PTGER3: variants seen among roughly 807,000 people sequenced by gnomAD.
The protein encoded by PTGER3 is prostaglandin E2 receptor EP3 subtype.
A neutral mutation model predicts 34.7 loss-of-function variants in PTGER3; 22 were observed. The ratio of observed to expected loss-of-function variants is 0.63; its 90% CI spans 0.45 to 0.91. The LOEUF is 0.91. Ranked by LOEUF, PTGER3 falls within the 40% of genes least tolerant of loss-of-function variation. The probability of loss-of-function intolerance (pLI) is 0.00; values close to 1 mark genes in which losing one functional copy is unlikely to be tolerated. For synonymous variants in PTGER3, 241 were observed against 230.1 expected (o/e 1.05, Z -0.43); for missense variants, 468 against 519.4 (o/e 0.90, Z 0.96).
intron 4 of PTGER3, among the ~76,000 whole-genome samples, chr1:70,857,051 T>C (rs1466448300): frequency 6.6e-6 from 1 of 152,206 alleles, no homozygotes; most frequent in African/African-American, 2.4e-5. Flanking sequence ...GCTACATACA[T>C]TTAGATTCAT....
chr1:70,933,921 A>G (rs1648963338), intron 4 of PTGER3, among the ~76,000 whole-genome samples: 1 of 152,084 alleles, frequency 6.6e-6, no homozygotes, highest in Non-Finnish European at 1.5e-5. Flanking sequence ...GGTGAGGCAG[A>G]CTCTTTCATG....
intron 2 of PTGER3, among the ~76,000 whole-genome samples, chr1:71,003,955 A>T (rs1656714558): frequency 6.6e-6 from 1 of 152,224 alleles, no homozygotes; most frequent in African/African-American, 2.4e-5. Context: ...CTTTTGTGGG[A>T]GTACCACATA....
At chr1:70,960,192 C>T (rs543664672) in intron 2 of PTGER3, among the ~76,000 whole-genome samples, 1 of 152,266 alleles carries the variant, frequency 6.6e-6, no homozygotes, top group African/African-American at 2.4e-5. Flanking sequence ...GCCTCCAGAA[C>T]TGTGAGGTAA....
chr1:70,863,840 T>C (rs1302779858), intron 4 of PTGER3, among the ~76,000 whole-genome samples: 2 of 152,096 alleles, frequency 1.3e-5, no homozygotes, highest in Non-Finnish European at 2.9e-5. Context: ...ATGGTGAGTA[T>C]ATGGTAGATG....
At chr1:70,927,727 A>T (rs186449332) in intron 4 of PTGER3, among the ~76,000 whole-genome samples, 6 of 152,306 alleles carry the variant, frequency 3.9e-5, no homozygotes, top group Non-Finnish European at 8.8e-5. Flanking sequence ...GTCATTTACC[A>T]TAAAGGAGAC....
intron 4 of PTGER3, among the ~76,000 whole-genome samples, chr1:70,946,395 A>G (rs1489461759): frequency 2.0e-5 from 3 of 152,116 alleles, no homozygotes; most frequent in African/African-American, 4.8e-5. Context: ...TGATAACAGA[A>G]TTGGTAAGAA....
At chr1:70,869,445 C>A (rs1646117233) in intron 4 of PTGER3, 1 of 325,766 alleles carries the variant, frequency 3.1e-6, no homozygotes, top group Non-Finnish European at 6.1e-6. Context: ...ACAGTCATGA[C>A]TTCTCAATAG....
intron 4 of PTGER3, among the ~76,000 whole-genome samples, chr1:70,866,986 C>T (rs556840128): frequency 1.3e-5 from 2 of 152,252 alleles, no homozygotes; most frequent in African/African-American, 4.8e-5. Flanking sequence ...CAGCTCTGCT[C>T]AAAGCATGTT....
intron 1 of PTGER3, among the ~76,000 whole-genome samples, chr1:71,030,854 T>C (rs1418189046): frequency 6.6e-6 from 1 of 152,122 alleles, no homozygotes; most frequent in Non-Finnish European, 1.5e-5. Context: ...TTTACTATTC[T>C]CAATCAATTT....
At chr1:70,882,675 G>A (rs1374457792) in intron 4 of PTGER3, among the ~76,000 whole-genome samples, 8 of 152,170 alleles carry the variant, frequency 5.3e-5, no homozygotes, top group African/African-American at 1.7e-4. Flanking sequence ...AGATGGGAGC[G>A]TGGGGGGCCA....
chr1:70,885,493 C>G (rs2100237712), intron 4 of PTGER3, among the ~76,000 whole-genome samples: 1 of 151,770 alleles, frequency 6.6e-6, no homozygotes, highest in South Asian at 2.1e-4. Flanking sequence ...ATTTTGCATA[C>G]AAAACAATAT....
intron 4 of PTGER3, among the ~76,000 whole-genome samples, chr1:70,927,268 C>T (rs985520314): frequency 1.3e-5 from 2 of 152,252 alleles, no homozygotes; most frequent in African/African-American, 2.4e-5. Flanking sequence ...ACCAGTTCTT[C>T]CTTGTACCTC....
At chr1:70,917,920 A>T (rs375481247) in intron 4 of PTGER3, among the ~76,000 whole-genome samples, 1 of 152,152 alleles carries the variant, frequency 6.6e-6, no homozygotes, top group East Asian at 1.9e-4. Context: ...CTATTGAGTT[A>T]TTTGAGTTCC....
At chr1:71,034,812 CTTTG>C (rs964471972) in intron 1 of PTGER3, among the ~76,000 whole-genome samples, 22 of 152,308 alleles carry the variant, frequency 1.4e-4, no homozygotes, top group African/African-American at 5.3e-4. Flanking sequence ...TGGTTCTCAG[CTTTG>C]TTTCTTTATT....
In PTGER3 at chr1:70,971,818, T is replaced by C. The variant is rs186880422; in HGVS notation, c.1170-85A>G. On this transcript the variant is annotated intron_variant, in intron 3 of 3. Coordinates refer to ENST00000306666, the MANE Select transcript of PTGER3 (RefSeq NM_198719.2). ...TTTGTGTATGGTGTGAGGAGTAAAA[T>C]ATAAGTAATAAATTTGTTTGCTTTA... is the stretch of plus-strand genomic sequence containing the variant. The C allele has an allele frequency of 3.5e-3, 2,971 of 851,130 alleles. 10 individuals carry two copies. The highest frequency in any genetic ancestry group is 3.9e-3 in the Non-Finnish European group (2,187 of 557,030). The allele number at this position is 851,130 out of a possible 1,614,324, so 52.7% of individuals were successfully genotyped here.
chr1:71,046,128 A>T (rs2744903), intron 1 of PTGER3, among the ~76,000 whole-genome samples: 25,452 of 150,618 alleles, frequency 0.17, 2,897 homozygotes, highest in African/African-American at 0.34. Flanking sequence ...AAAAATAAAA[A>T]AAAAAAATTA....
At chr1:71,037,440 G>T (rs997961004) in intron 1 of PTGER3, among the ~76,000 whole-genome samples, 1 of 152,284 alleles carries the variant, frequency 6.6e-6, no homozygotes, top group Middle Eastern at 3.4e-3. Context: ...AAATGAATCC[G>T]TGCTGACCAC....
intron 4 of PTGER3, among the ~76,000 whole-genome samples, chr1:70,930,985 A>T (rs1284793211): frequency 6.6e-6 from 1 of 152,154 alleles, no homozygotes. Flanking sequence ...AAGACAAGGC[A>T]AGCACCTTCA....
chr1:70,872,630 C>T (rs539843732), intron 4 of PTGER3, among the ~76,000 whole-genome samples: 74 of 152,280 alleles, frequency 4.9e-4, no homozygotes, highest in African/African-American at 1.7e-3. Flanking sequence ...TTCTATTTGA[C>T]GCCAAGGTTT....
Sources: gnomAD v4.1 joint callset for allele counts (sites outside exome capture counted in the v4.1 genomes callset) on GRCh38, gnomAD v4.1.1 for gene constraint, MANE v1.5 for transcripts, NCBI Gene and HGNC (gene_info 2026-07-23, HGNC 2026-07-21) for gene names.